DNAI2: variants seen among roughly 807,000 people sequenced by gnomAD.
The protein encoded by DNAI2 is dynein, axonemal, intermediate polypeptide 2.
In DNAI2, 63 loss-of-function variants were observed where a neutral mutation model predicts 74.7. The ratio of observed to expected loss-of-function variants is 0.84; its 90% CI spans 0.69 to 1.04. DNAI2 has a LOEUF of 1.04. DNAI2 is among the 50% of genes least tolerant of loss of function. The pLI is 0.00. For missense variants in DNAI2, 688 were observed against 803.2 expected (o/e 0.86, Z 1.73); for synonymous variants, 289 against 314.9 (o/e 0.92, Z 0.87).
chr17:74,293,217 G>A (rs551514798), intron 6 of DNAI2, among the ~76,000 whole-genome samples: 3 of 152,266 alleles, frequency 2.0e-5, no homozygotes, highest in South Asian at 2.1e-4. Flanking sequence ...GATCTTTCAC[G>A]TAGTAATTAT....
At chr17:74,289,828 G>A in intron 5 of DNAI2, 92 bp downstream of exon 5, 4 of 1,554,908 alleles carry the variant, frequency 2.6e-6, no homozygotes, top group Non-Finnish European at 3.5e-6. Flanking sequence ...GGAGGTCAAG[G>A]ACACTCACGC....
intron 1 of DNAI2, among the ~76,000 whole-genome samples, chr17:74,281,086 CAAAAA>C (rs60399157): frequency 1.7e-5 from 1 of 58,892 alleles, no homozygotes. Flanking sequence ...GCCTTTGTCT[CAAAAA>C]AAAAAAAAAA....
In DNAI2 at chr17:74,306,777, C is replaced by G. The variant is rs138631553; in HGVS notation, c.1211+1335C>G. Among the ~76,000 whole-genome samples the G allele has an allele frequency of 2.3e-3, 345 of 152,324 alleles. 1 individual carries two copies. The highest frequency in any genetic ancestry group is 7.8e-3 in the African/African-American group (326 of 41,576). On this transcript the variant is annotated intron_variant, in intron 9 of 13. Coordinates refer to ENST00000311014, the MANE Select transcript of DNAI2 (RefSeq NM_023036.6). ...GGATTACAGGCGCACGCCAGCACAC[C>G]CAGCTAATTTTTGTATTTTTAGTAT...
intron 8 of DNAI2, 70 bp from the exon 9 acceptor site, chr17:74,305,149 T>C (rs983702848): frequency 1.9e-5 from 29 of 1,544,656 alleles, no homozygotes; most frequent in Non-Finnish European, 2.5e-5. Flanking sequence ...AGCAAGCTCC[T>C]GTCCATGCCC....
chr17:74,309,292 C>A lies in DNAI2; in HGVS notation c.1251C>A (p.Pro417=). ...ACCTCACTGATGCTGCCTGGAGCCC[C>A]GTGAGGCCGACCGTTTTCTTTACCA... The part of the protein sequence containing the change: ...MAYLTDAAWS[P]VRPTVFFTTR... The change falls in exon 10 of 14, where the codon CCC becomes CCA. Residue 417 remains proline, a synonymous_variant. Coordinates refer to ENST00000311014, the MANE Select transcript of DNAI2 (RefSeq NM_023036.6). 6.2e-7 allele frequency: 1 copy of A among 1,614,116 alleles called. No individual in the cohort carries two copies. Among genetic ancestry groups the A allele is most frequent in the South Asian group, 1.1e-5 (1 of 91,078 alleles).
rs376247013 is a variant in DNAI2 at position 74,285,156 on chromosome 17, G to A, written c.300G>A (p.Val100=). 6.2e-7 allele frequency: 1 copy of A among 1,614,122 alleles called. No homozygotes were observed. The highest frequency in any genetic ancestry group is 8.5e-7 in the Non-Finnish European group (1 of 1,180,050). ...LEQTIRFRKK[V]EKDENYVNAI... is the part of the protein sequence containing the mutation. ...AGACCATCCGTTTCCGGAAGAAAGT[G>A]GAGAAAGATGAGAACTACGTTAACG... Residue 100 remains valine (V), a synonymous_variant, in exon 3 of 14, where the codon GTG becomes GTA. Coordinates refer to ENST00000311014, the MANE Select transcript of DNAI2 (RefSeq NM_023036.6).
intron 9 of DNAI2, among the ~76,000 whole-genome samples, chr17:74,305,982 T>G (rs1253527966): frequency 5.3e-5 from 8 of 152,308 alleles, no homozygotes; most frequent in Admixed American, 4.6e-4. Context: ...GGCTTAATTT[T>G]CATAATCCTC....
At chr17:74,298,048 T>G (rs1477130360) in intron 6 of DNAI2, among the ~76,000 whole-genome samples, 1 of 152,198 alleles carries the variant, frequency 6.6e-6, no homozygotes, top group African/African-American at 2.4e-5. Flanking sequence ...TAAACGTCCC[T>G]GCCAAACTAT....
At chr17:74,276,250 T>TC (rs2051070745) in intron 1 of DNAI2, among the ~76,000 whole-genome samples, 1 of 152,150 alleles carries the variant, frequency 6.6e-6, no homozygotes, top group South Asian at 2.1e-4. Context: ...TCTGACTGCC[T>TC]CCCCGGGGAT....
At chr17:74,282,088 T>C (rs1017123182) in intron 2 of DNAI2, 88 bp downstream of exon 2, 1 of 1,501,512 alleles carries the variant, frequency 6.7e-7, no homozygotes, top group Non-Finnish European at 9.2e-7. Context: ...TGTGGGTCCT[T>C]GTCCACCTGA....
chr17:74,277,299 C>T (rs1187076277), intron 1 of DNAI2, among the ~76,000 whole-genome samples: 2 of 149,716 alleles, frequency 1.3e-5, no homozygotes, highest in African/African-American at 4.9e-5. Context: ...GCAGGAGAAT[C>T]GCTTGCACCC....
intron 8 of DNAI2, among the ~76,000 whole-genome samples, chr17:74,304,292 G>A (rs1480480024): frequency 2.1e-5 from 3 of 143,686 alleles, no homozygotes; most frequent in Non-Finnish European, 4.5e-5. Flanking sequence ...CCTAAAACCT[G>A]GGAGTTCTAT....
At chr17:74,291,909 G>C (rs1230901572) in intron 6 of DNAI2, among the ~76,000 whole-genome samples, 1 of 151,660 alleles carries the variant, frequency 6.6e-6, no homozygotes, top group Non-Finnish European at 1.5e-5. Flanking sequence ...TGTCGCCCAG[G>C]CCGGAGTGCA....
At chr17:74,289,863 C>T (rs918468834) in intron 5 of DNAI2, 127 bp downstream of exon 5, 7 of 1,160,124 alleles carry the variant, frequency 6.0e-6, no homozygotes, top group East Asian at 4.8e-5. Flanking sequence ...GGGAAGGGCC[C>T]GCAGTCGAGG....
rs748541099 is a variant in DNAI2 at position 74,312,118 on chromosome 17, T to A, written c.1610T>A (p.Leu537Gln). ...GATGAGGAGCAGACCGATGAGGAGC[T>A]GGCCGTAGACCTGGAGGCGCTGGTC... ...GRDEEQTDEE[L>Q]AVDLEALVSK... The change falls in exon 12 of 14, where the codon CTG (leucine) becomes CAG (glutamine). Residue 537 changes from leucine to glutamine, a missense_variant. Leu to Gln is a moderately radical substitution (Grantham distance 113, BLOSUM62 -2). Transcript: ENST00000311014. The A allele has an allele frequency of 6.2e-7, 1 of 1,613,762 alleles. No individual in the cohort carries two copies. Among genetic ancestry groups the A allele is most frequent in the Non-Finnish European group, 8.5e-7 (1 of 1,179,978 alleles).
At chr17:74,298,810 G>C (rs1282733806) in intron 6 of DNAI2, among the ~76,000 whole-genome samples, 1 of 152,138 alleles carries the variant, frequency 6.6e-6, no homozygotes. Context: ...TTTTTGTAGA[G>C]ACGGGGTCTC....
In DNAI2 at chr17:74,312,202, C is replaced by G. The variant is rs753170867; in HGVS notation, c.1694C>G (p.Ala565Gly). The G allele has an allele frequency of 6.2e-7, 1 of 1,606,554 alleles. No homozygotes were observed. The highest frequency in any genetic ancestry group is 8.5e-7 in the Non-Finnish European group (1 of 1,177,972). Residue 565 changes from alanine to glycine, a missense_variant, in exon 12 of 14, where the codon GCA (alanine) becomes GGA (glycine). Coordinates refer to ENST00000311014, the MANE Select transcript of DNAI2 (RefSeq NM_023036.6). ...TTCGCAGAGCTGAAGAAGAAGGAGGCAGACGCCATAAAGCTGACGCCAGTG... is the reference window on the plus strand; with the variant it reads ...TTCGCAGAGCTGAAGAAGAAGGAGGGAGACGCCATAAAGCTGACGCCAGTG... ...IIFAELKKKE[A>G]DAIKLTPVPQ...
At chr17:74,303,240 C>A (rs1268001746) in intron 8 of DNAI2, among the ~76,000 whole-genome samples, 2 of 152,138 alleles carry the variant, frequency 1.3e-5, no homozygotes, top group Non-Finnish European at 2.9e-5. Context: ...AAACCCAGGG[C>A]TCCAACTCTG....
At chr17:74,306,679 G>A (rs2053205753) in intron 9 of DNAI2, among the ~76,000 whole-genome samples, 9 of 152,168 alleles carry the variant, frequency 5.9e-5, no homozygotes, top group Admixed American at 4.6e-4. Context: ...GTGCAATGGC[G>A]AGATCTCGGC....
Sources: allele counts gnomAD v4.1 joint callset (sites outside exome capture counted in the v4.1 genomes callset), GRCh38; gene constraint gnomAD v4.1.1; transcripts MANE v1.5; gene names NCBI Gene and HGNC (gene_info 2026-07-23, HGNC 2026-07-21).